The following CLYBL variants were observed in gnomAD, a reference collection of about 807,000 sequenced individuals.
The protein encoded by CLYBL is citramalyl-CoA lyase, also known as citramalyl-CoA lyase, mitochondrial.
In CLYBL, 31 loss-of-function variants were observed where a neutral mutation model predicts 38.9. That is an observed-to-expected ratio of 0.80 (90% CI 0.60 to 1.08). The LOEUF is 1.08. CLYBL is among the 50% of genes least tolerant of loss of function. The pLI is 0.00. For synonymous variants in CLYBL, 171 were observed against 158.6 expected, an observed-to-expected ratio of 1.08 and a Z score of -0.59; for missense variants, 434 against 411.6, an observed-to-expected ratio of 1.05 and a Z score of -0.47.
chr13:99,822,759 T>C (rs2050612258), intron 2 of CLYBL, among the ~76,000 whole-genome samples: 1 of 152,248 alleles, frequency 6.6e-6, no homozygotes, highest in Admixed American at 6.5e-5. Flanking sequence ...TCTTTTCTGT[T>C]ACAATAAAGC....
intron 1 of CLYBL, among the ~76,000 whole-genome samples, chr13:99,759,586 T>G (rs1193745849): frequency 6.9e-6 from 1 of 144,864 alleles, no homozygotes; most frequent in Non-Finnish European, 1.5e-5. Context: ...CCCCACCCCC[T>G]CAGAGAGCTC....
At chr13:99,664,173 G>C (rs187296401) in intron 1 of CLYBL, among the ~76,000 whole-genome samples, 8 of 152,118 alleles carry the variant, frequency 5.3e-5, no homozygotes, top group African/African-American at 1.9e-4. Flanking sequence ...ATGTCTCTTC[G>C]GCTCTGGGAC....
At chr13:99,656,066 T>C (rs2047325522) in intron 1 of CLYBL, among the ~76,000 whole-genome samples, 1 of 152,196 alleles carries the variant, frequency 6.6e-6, no homozygotes, top group African/African-American at 2.4e-5. Context: ...CTTTCCTTTT[T>C]TCCAGACCCA....
chr13:99,750,414 T>A (rs2048933240), intron 1 of CLYBL, among the ~76,000 whole-genome samples: 1 of 152,176 alleles, frequency 6.6e-6, no homozygotes, highest in Non-Finnish European at 1.5e-5. Context: ...CCAGGCGCGG[T>A]GGCTCATGCC....
intron 1 of CLYBL, among the ~76,000 whole-genome samples, chr13:99,707,724 A>G (rs1404476335): frequency 6.6e-6 from 1 of 152,228 alleles, no homozygotes; most frequent in Non-Finnish European, 1.5e-5. Context: ...GTGTGAGGGT[A>G]TTGATAAAGC....
intron 2 of CLYBL, among the ~76,000 whole-genome samples, chr13:99,793,839 G>A (rs2049968270): frequency 6.6e-6 from 1 of 150,946 alleles, no homozygotes; most frequent in Non-Finnish European, 1.5e-5. Flanking sequence ...AGAAAGCCCG[G>A]GCCTAGGCAA....
intron 2 of CLYBL, among the ~76,000 whole-genome samples, chr13:99,844,823 C>T (rs915808995): frequency 2.0e-5 from 3 of 152,152 alleles, no homozygotes; most frequent in Middle Eastern, 3.2e-3. Context: ...ACACCTAGCG[C>T]GTGGGCATTC....
intron 1 of CLYBL, among the ~76,000 whole-genome samples, chr13:99,707,804 A>G (rs1002577427): frequency 1.3e-5 from 2 of 152,148 alleles, no homozygotes; most frequent in Non-Finnish European, 2.9e-5. Flanking sequence ...TTTCCCTTAC[A>G]TTTGAAAGTC....
rs1361639397 is a variant in CLYBL, at chr13:99,716,169, A to AGT, written c.63-56655_63-56654insGT. 3.0e-3 allele frequency among the ~76,000 whole-genome samples: 99 copies of AGT among 33,434 alleles called. 5 individuals are homozygous for AGT. The highest frequency in any genetic ancestry group is 9.7e-3 in the African/African-American group (98 of 10,104). 21.9% of individuals were successfully genotyped at this position (33,434 alleles called of 152,430 possible). On this transcript the variant is annotated intron_variant, in intron 1 of 8. Transcript: ENST00000339105. ...AAATTGTCCTTGCTTTATTGGTGTAATTTTTTTTTTTTTTTTTTTTTTTTT... is the reference window on the plus strand; with the variant it reads ...AAATTGTCCTTGCTTTATTGGTGTAAGTTTTTTTTTTTTTTTTTTTTTTTTTT...
chr13:99,656,645 A>T (rs1396412042), intron 1 of CLYBL, among the ~76,000 whole-genome samples: 1 of 152,030 alleles, frequency 6.6e-6, no homozygotes, highest in African/African-American at 2.4e-5. Flanking sequence ...TCTCTCAGTC[A>T]CTCTGAGGGT....
At chr13:99,629,244 C>G (rs554174148) in intron 1 of CLYBL, among the ~76,000 whole-genome samples, 1 of 152,218 alleles carries the variant, frequency 6.6e-6, no homozygotes. Context: ...TTTCTGTTCA[C>G]CATCCTAAGA....
At chr13:99,904,962 C>T (rs2052679985) in intron 8 of CLYBL, among the ~76,000 whole-genome samples, 2 of 152,182 alleles carry the variant, frequency 1.3e-5, no homozygotes, top group Non-Finnish European at 2.9e-5. Context: ...TTTTCCCACC[C>T]TGCCTCCCCC....
intron 1 of CLYBL, among the ~76,000 whole-genome samples, chr13:99,609,396 C>T (rs749612770): frequency 6.6e-6 from 1 of 151,982 alleles, no homozygotes. Context: ...AGGATGGTCT[C>T]GATCTTCTGA....
chr13:99,875,473 C>T (rs1375082742), intron 7 of CLYBL, among the ~76,000 whole-genome samples: 1 of 152,134 alleles, frequency 6.6e-6, no homozygotes, highest in East Asian at 1.9e-4. Flanking sequence ...GCTCGCACAC[C>T]TTTCATTTCT....
intron 2 of CLYBL, among the ~76,000 whole-genome samples, chr13:99,857,657 T>G (rs1001074851): frequency 8.5e-5 from 13 of 152,232 alleles, no homozygotes; most frequent in Admixed American, 3.9e-4. Flanking sequence ...TCCCCGCTCA[T>G]AGACCCACAT....
At chr13:99,663,597 C>T (rs138986897) in intron 1 of CLYBL, among the ~76,000 whole-genome samples, 8 of 152,122 alleles carry the variant, frequency 5.3e-5, no homozygotes, top group Non-Finnish European at 7.4e-5. Context: ...GCCTGCCTGT[C>T]GAGACCAAGC....
chr13:99,822,535 G>A (rs551152158), intron 2 of CLYBL, among the ~76,000 whole-genome samples: 2 of 152,184 alleles, frequency 1.3e-5, no homozygotes, highest in Non-Finnish European at 2.9e-5. Flanking sequence ...CACAATCACG[G>A]GTCACCCCAG....
intron 1 of CLYBL, among the ~76,000 whole-genome samples, chr13:99,664,278 C>A (rs1050122976): frequency 1.3e-5 from 2 of 152,164 alleles, no homozygotes; most frequent in Non-Finnish European, 2.9e-5. Flanking sequence ...AAAGTTCTGA[C>A]AATTTGTTTG....
Position 99,606,727 on chromosome 13 carries a change from G to C in CLYBL, c.32G>C (p.Arg11Pro), listed in dbSNP as rs1163463243. ...CTACGTCTGCTGCGGAGGGCGGCGC[G>C]CGGAGCTGCGGCGGCGGCGCTGCTG... MALRLLRRAA[R>P]GAAAAALLRL... is the part of the protein sequence containing the mutation. Residue 11 changes from arginine to proline, a missense_variant, in exon 1 of 9, where the codon CGC (arginine) becomes CCC (proline). By Grantham distance (103) the Arg-to-Pro change is moderately radical. Coordinates refer to ENST00000339105, the MANE Select transcript of CLYBL (RefSeq NM_206808.5). 6 of 1,489,258 alleles carry C rather than the reference G, an allele frequency of 4.0e-6. No homozygotes were observed. The highest frequency in any genetic ancestry group is 5.3e-6 in the Non-Finnish European group (6 of 1,125,850). The allele number at this position is 1,489,258 out of a possible 1,614,324, so 92.3% of individuals were successfully genotyped here. A position where few individuals can be genotyped will look rare whatever the true frequency, so the allele number is the denominator to read the frequency against.
Sources: gnomAD v4.1 joint callset for allele counts (sites outside exome capture counted in the v4.1 genomes callset) on GRCh38, gnomAD v4.1.1 for gene constraint, MANE v1.5 for transcripts, NCBI Gene and HGNC (gene_info 2026-07-23, HGNC 2026-07-21) for gene names.